The following ZNG1B variants were observed in gnomAD, a reference collection of about 807,000 sequenced individuals.
The protein encoded by ZNG1B is Zn regulated GTPase metalloprotein activator 1B.
At chr2:113,469,260 C>T in the ZNG1B span, 1 of 152,136 alleles carries the variant, frequency 6.6e-6, no homozygotes, top group Non-Finnish European at 1.5e-5. Context: ...TCTCCTGCTT[C>T]ACCCTCCGGG....
At chr2:113,445,938 C>T in the ZNG1B span, among the ~76,000 whole-genome samples, 4 of 152,032 alleles carry the variant, frequency 2.6e-5, no homozygotes, top group South Asian at 2.1e-4. Context: ...AAATGTGATC[C>T]GTGGTTATTG....
At chr2:113,443,594 C>A in the ZNG1B span, among the ~76,000 whole-genome samples, 2,158 of 104,522 alleles carry the variant, frequency 0.021, 16 homozygotes, top group East Asian at 0.056. Flanking sequence ...TAAAAGCTAA[C>A]ATAATGTAGT....
the ZNG1B span, among the ~76,000 whole-genome samples, chr2:113,487,221 TG>T: frequency 6.6e-6 from 1 of 152,166 alleles, no homozygotes; most frequent in African/African-American, 2.4e-5. Context: ...TGTACAGGTT[TG>T]TAGCCTAGGA....
the ZNG1B span, among the ~76,000 whole-genome samples, chr2:113,492,124 A>C: frequency 7.1e-6 from 1 of 139,974 alleles, no homozygotes; most frequent in African/African-American, 2.6e-5. Flanking sequence ...TTGGTCCAGC[A>C]ATCCCACTAC....
the ZNG1B span, among the ~76,000 whole-genome samples, chr2:113,472,713 G>C: frequency 6.6e-6 from 1 of 151,718 alleles, no homozygotes; most frequent in African/African-American, 2.4e-5. Flanking sequence ...TGGCTAGCCA[G>C]TTTTCCCAGC....
chr2:113,440,281 T>C, the ZNG1B span, among the ~76,000 whole-genome samples: 1 of 152,120 alleles, frequency 6.6e-6, no homozygotes, highest in Non-Finnish European at 1.5e-5. Flanking sequence ...AACCTTCGAA[T>C]GAATGAGCTA....
At chr2:113,490,788 A>G in the ZNG1B span, among the ~76,000 whole-genome samples, 1 of 149,396 alleles carries the variant, frequency 6.7e-6, no homozygotes, top group African/African-American at 2.5e-5. Flanking sequence ...AGGAAGAATT[A>G]CCCTGAACAG....
the ZNG1B span, chr2:113,495,095 G>A: frequency 7.1e-7 from 1 of 1,412,874 alleles, no homozygotes; most frequent in African/African-American, 1.8e-5. Context: ...GCTGATTAAT[G>A]TTCAGTCAAT....
the ZNG1B span, among the ~76,000 whole-genome samples, chr2:113,464,452 T>C: frequency 8.1e-6 from 1 of 122,974 alleles, no homozygotes; most frequent in Non-Finnish European, 1.7e-5. Flanking sequence ...GAATTGATGA[T>C]TGATGATAGG....
chr2:113,485,667 A>G, the ZNG1B span, among the ~76,000 whole-genome samples: 3 of 149,700 alleles, frequency 2.0e-5, no homozygotes, highest in African/African-American at 7.4e-5. Context: ...GCCAGATATT[A>G]TAGTATAGAT....
the ZNG1B span, chr2:113,468,693 A>T: frequency 6.6e-6 from 1 of 151,004 alleles, no homozygotes; most frequent in Middle Eastern, 3.2e-3. Flanking sequence ...AATTAATTTG[A>T]TGCCATGGAA....
chr2:113,464,824 G>T, the ZNG1B span, among the ~76,000 whole-genome samples: 1 of 151,696 alleles, frequency 6.6e-6, no homozygotes, highest in South Asian at 2.1e-4. Context: ...ATTTATGAAT[G>T]ATTTTTTCTA....
the ZNG1B span, chr2:113,457,141 T>A: frequency 1.3e-5 from 6 of 454,616 alleles, no homozygotes; most frequent in Admixed American, 2.3e-5. Context: ...ATTGTTCTTT[T>A]CGGTTCTACA....
chr2:113,478,316 C>T, the ZNG1B span, among the ~76,000 whole-genome samples: 1 of 152,092 alleles, frequency 6.6e-6, no homozygotes, highest in South Asian at 2.1e-4. Flanking sequence ...CTCTCTGTCA[C>T]TCAGGCTGGA....
the ZNG1B span, among the ~76,000 whole-genome samples, chr2:113,490,651 T>G: frequency 6.6e-6 from 1 of 152,110 alleles, no homozygotes; most frequent in African/African-American, 2.4e-5. Flanking sequence ...CGGGAGATAT[T>G]ACAACTGACA....
chr2:113,442,644 A>G, the ZNG1B span, among the ~76,000 whole-genome samples: 3 of 152,116 alleles, frequency 2.0e-5, no homozygotes, highest in African/African-American at 2.4e-5. Context: ...CATTTTCGCA[A>G]TTTTATTTTT....
At chr2:113,440,151 TG>T in the ZNG1B span, among the ~76,000 whole-genome samples, 8 of 152,036 alleles carry the variant, frequency 5.3e-5, no homozygotes, top group African/African-American at 1.7e-4. Context: ...CCCAAAGTGC[TG>T]GGATTACAGG....
At chr2:113,477,958 C>G in the ZNG1B span, among the ~76,000 whole-genome samples, 1 of 152,226 alleles carries the variant, frequency 6.6e-6, no homozygotes, top group African/African-American at 2.4e-5. Flanking sequence ...AGCATAAAGT[C>G]ACCAAGGTTC....
chr2:113,477,792 CT>C, the ZNG1B span, among the ~76,000 whole-genome samples: 1 of 152,320 alleles, frequency 6.6e-6, no homozygotes, highest in African/African-American at 2.4e-5. Flanking sequence ...ATAACTGAAG[CT>C]TTATACCCCT....
Sources: allele counts gnomAD v4.1 joint callset (sites outside exome capture counted in the v4.1 genomes callset), GRCh38; gene constraint gnomAD v4.1.1; transcripts MANE v1.5; gene names NCBI Gene and HGNC (gene_info 2026-07-23, HGNC 2026-07-21).